Variants in ANK3 observed in about 807,000 individuals in gnomAD.
ANK3 encodes ankyrin-3.
In ANK3, 57 loss-of-function variants were observed where a neutral mutation model predicts 370.9. That is an observed-to-expected ratio of 0.15 (90% confidence interval 0.12 to 0.19). ANK3 has a LOEUF of 0.19. Ranked by LOEUF, ANK3 falls within the 10% of genes least tolerant of loss-of-function variation. ANK3 has a pLI of 1.00. For missense variants in ANK3, 4,439 were observed against 5,302.1 expected, an observed-to-expected ratio of 0.84 and a Z score of 5.06; for synonymous variants, 1,929 against 1,946.3, an observed-to-expected ratio of 0.99 and a Z score of 0.23.
At chr10:60,176,326 A>G (rs570160925) in intron 18 of ANK3, among the ~76,000 whole-genome samples, 5 of 142,752 alleles carry the variant, frequency 3.5e-5, no homozygotes, top group Non-Finnish European at 7.5e-5. Context: ...GATCATGCCC[A>G]TGTACTCCAG....
chr10:60,622,020 G>A (rs1391201402), intron 1 of ANK3, among the ~76,000 whole-genome samples: 2 of 152,046 alleles, frequency 1.3e-5, no homozygotes, highest in Non-Finnish European at 2.9e-5. Context: ...AATATTGCCT[G>A]TTTCCTCATT....
chr10:60,063,297 TTC>T, intron 39 of ANK3, 43 bp from the exon 40 acceptor site: 1 of 1,574,324 alleles, frequency 6.4e-7, no homozygotes. Context: ...TTAAATTATG[TTC>T]TTTCAGTCAG....
intron 2 of ANK3, among the ~76,000 whole-genome samples, chr10:60,610,656 C>G (rs1441972059): frequency 2.6e-5 from 2 of 77,992 alleles, no homozygotes; most frequent in African/African-American, 7.5e-5. Flanking sequence ...AGTCATTTTC[C>G]AGGGCAAATA....
chr10:60,042,619 A>G (rs1304433847), intron 43 of ANK3, 53 bp downstream of exon 43: 2 of 1,507,962 alleles, frequency 1.3e-6, no homozygotes, highest in Non-Finnish European at 1.8e-6. Context: ...AGTGAAAAAT[A>G]TAAGTTTCAC....
In ANK3 at chr10:60,027,329, T is replaced by TCTAA. The variant is rs1195404162; in HGVS notation, c.*2513_*2516dup. On this transcript the variant is annotated 3_prime_UTR_variant, in exon 44 of 44. Transcript: ENST00000280772. ...TTTTAAAAAAAAAACCTCTCAAGGG[T>TCTAA]CTAACTTTACCCATCATAAAATAAT... The TCTAA allele has an allele frequency of 3.6e-5, 5 of 140,234 alleles. No homozygotes were observed. Among genetic ancestry groups the TCTAA allele is most frequent in the African/African-American group, 8.0e-5 (3 of 37,374 alleles). 8.7% of individuals were successfully genotyped at this position (140,234 alleles called of 1,614,324 possible). A position where few individuals can be genotyped will look rare whatever the true frequency, so the allele number is the denominator to read the frequency against.
chr10:60,665,585 G>T (rs748476758), intron 1 of ANK3, among the ~76,000 whole-genome samples: 1 of 152,174 alleles, frequency 6.6e-6, no homozygotes, highest in East Asian at 1.9e-4. Context: ...CTTGGACTGT[G>T]TCTTCAGTAT....
At position 60,210,530 on chromosome 10, in the gene ANK3, A is replaced by T. The variant is rs146669993; in HGVS notation, c.997-2297T>A. Among the ~76,000 whole-genome samples the T allele has an allele frequency of 6.3e-3, 964 of 152,310 alleles. 9 individuals carry two copies. Among genetic ancestry groups the T allele is most frequent in the African/African-American group, 0.022 (917 of 41,566 alleles). ...AGCAAAACCGGAGGAGATGAGGAAG[A>T]GAGGTGGTCAGAATCTGTTAAGAAG... On this transcript the variant is annotated intron_variant, in intron 9 of 43. Coordinates refer to ENST00000280772, the MANE Select transcript of ANK3 (RefSeq NM_020987.5).
At chr10:60,728,201 G>A (rs2079969878) in intron 1 of ANK3, among the ~76,000 whole-genome samples, 1 of 152,102 alleles carries the variant, frequency 6.6e-6, no homozygotes, top group African/African-American at 2.4e-5. Flanking sequence ...GACCCACAGA[G>A]GCCAAGCAGT....
At chr10:60,132,555 A>C (rs2094138113) in intron 25 of ANK3, among the ~76,000 whole-genome samples, 1 of 152,064 alleles carries the variant, frequency 6.6e-6, no homozygotes, top group Non-Finnish European at 1.5e-5. Flanking sequence ...TTCTTTATAA[A>C]TTACCCAGTC....
At chr10:60,703,801 T>G (rs2079576520) in intron 1 of ANK3, among the ~76,000 whole-genome samples, 1 of 152,160 alleles carries the variant, frequency 6.6e-6, no homozygotes, top group Admixed American at 6.5e-5. Flanking sequence ...ACCACTGTTT[T>G]GAATTTAGTG....
At chr10:60,096,728 A>G (rs2090203142) in intron 28 of ANK3, among the ~76,000 whole-genome samples, 1 of 150,856 alleles carries the variant, frequency 6.6e-6, no homozygotes, top group African/African-American at 2.5e-5. Context: ...CCTATAAAAA[A>G]TAAGAATGGT....
At chr10:60,207,234 A>G (rs1372488732) in intron 10 of ANK3, among the ~76,000 whole-genome samples, 1 of 152,214 alleles carries the variant, frequency 6.6e-6, no homozygotes, top group Non-Finnish European at 1.5e-5. Flanking sequence ...TAGAGCCCAC[A>G]GAGTACAAGA....
chr10:60,122,674 T>G (rs563842321), intron 25 of ANK3, among the ~76,000 whole-genome samples: 3 of 152,242 alleles, frequency 2.0e-5, no homozygotes, highest in Admixed American at 6.5e-5. Context: ...CTGGCACCAA[T>G]GCAGTGCTGG....
intron 2 of ANK3, among the ~76,000 whole-genome samples, chr10:60,538,513 T>G (rs939372030): frequency 1.3e-5 from 2 of 151,932 alleles, no homozygotes; most frequent in Non-Finnish European, 2.9e-5. Flanking sequence ...TCAAGCCTTT[T>G]GCTTTAATCA....
At chr10:60,109,653 T>TA (rs1474519015) in intron 26 of ANK3, among the ~76,000 whole-genome samples, 1 of 152,210 alleles carries the variant, frequency 6.6e-6, no homozygotes, top group Non-Finnish European at 1.5e-5. Flanking sequence ...AATATGGGCT[T>TA]AAAAGCTGTC....
chr10:60,265,966 T>C (rs184219125), intron 5 of ANK3, among the ~76,000 whole-genome samples: 30 of 152,256 alleles, frequency 2.0e-4, no homozygotes, highest in African/African-American at 6.0e-4. Flanking sequence ...TGAAATGCCC[T>C]CTTCTTTTCT....
chr10:60,456,489 G>C (rs2064750350), intron 2 of ANK3, among the ~76,000 whole-genome samples: 1 of 152,108 alleles, frequency 6.6e-6, no homozygotes, highest in African/African-American at 2.4e-5. Flanking sequence ...ACAGAGGGAG[G>C]AAATACACCC....
chr10:60,513,107 T>G (rs1236306825), intron 2 of ANK3, among the ~76,000 whole-genome samples: 1 of 152,192 alleles, frequency 6.6e-6, no homozygotes, highest in Non-Finnish European at 1.5e-5. Flanking sequence ...TTTTCCTCTC[T>G]AAACTACGTG....
intron 24 of ANK3, among the ~76,000 whole-genome samples, chr10:60,138,356 T>C (rs1225273692): frequency 6.6e-6 from 1 of 152,192 alleles, no homozygotes; most frequent in Non-Finnish European, 1.5e-5. Context: ...ATACAGAAGT[T>C]TTCCACTTCA....
Sources: allele counts gnomAD v4.1 joint callset (sites outside exome capture counted in the v4.1 genomes callset), GRCh38; gene constraint gnomAD v4.1.1; transcripts MANE v1.5; gene names NCBI Gene and HGNC (gene_info 2026-07-23, HGNC 2026-07-21).